The following MAP3K5 variants were observed in gnomAD, a reference collection of about 807,000 sequenced individuals.
MAP3K5 encodes ASK-1.
In MAP3K5, 56 loss-of-function variants were observed where a neutral mutation model predicts 158.7. The observed-to-expected ratio is 0.35, with a 90% CI of 0.28 to 0.44. MAP3K5 has a LOEUF of 0.44. Ranked by LOEUF, MAP3K5 falls within the 20% of genes least tolerant of loss-of-function variation. The pLI is 1.00. For synonymous variants in MAP3K5, 579 were observed against 601.7 expected, an observed-to-expected ratio of 0.96 and a Z score of 0.55; for missense variants, 1,294 against 1,674.8, an observed-to-expected ratio of 0.77 and a Z score of 3.97.
At chr6:136,562,038 A>G (rs1250993607) in intron 27 of MAP3K5, among the ~76,000 whole-genome samples, 5 of 152,210 alleles carry the variant, frequency 3.3e-5, no homozygotes, top group Admixed American at 6.5e-5. Context: ...TAAACAAATA[A>G]CTATGAATTC....
At chr6:136,665,051 C>T (rs1432960557) in intron 8 of MAP3K5, among the ~76,000 whole-genome samples, 2 of 152,216 alleles carry the variant, frequency 1.3e-5, no homozygotes, top group East Asian at 3.8e-4. Context: ...GGATGGATCA[C>T]TGACAGCTGG....
At chr6:136,734,486 T>C (rs1295884750) in intron 1 of MAP3K5, among the ~76,000 whole-genome samples, 2 of 151,400 alleles carry the variant, frequency 1.3e-5, no homozygotes, top group African/African-American at 4.9e-5. Flanking sequence ...AAAATTTCTG[T>C]ATCGCCACGG....
At chr6:136,657,208 C>A (rs552957191) in intron 9 of MAP3K5, among the ~76,000 whole-genome samples, 2 of 152,176 alleles carry the variant, frequency 1.3e-5, no homozygotes, top group South Asian at 2.1e-4. Context: ...TATACAAATA[C>A]CCTCAAACCT....
At chr6:136,755,209 A>G (rs1783421531) in intron 1 of MAP3K5, among the ~76,000 whole-genome samples, 1 of 151,876 alleles carries the variant, frequency 6.6e-6, no homozygotes, top group African/African-American at 2.4e-5. Context: ...TGCCCTGCTT[A>G]GCTGTGTTCC....
intron 1 of MAP3K5, among the ~76,000 whole-genome samples, chr6:136,769,175 A>T (rs1784077475): frequency 6.6e-6 from 1 of 152,238 alleles, no homozygotes. Flanking sequence ...CAGCCAGAAA[A>T]GTGAATGAAG....
chr6:136,650,277 T>G (rs1322019920), intron 11 of MAP3K5, among the ~76,000 whole-genome samples: 3 of 152,262 alleles, frequency 2.0e-5, no homozygotes, highest in Non-Finnish European at 4.4e-5. Flanking sequence ...ATAAATGAAC[T>G]ATTTTTCCAC....
chr6:136,787,951 A>T (rs544649946), intron 1 of MAP3K5, among the ~76,000 whole-genome samples: 3 of 152,230 alleles, frequency 2.0e-5, no homozygotes, highest in Non-Finnish European at 4.4e-5. Context: ...TGGTTTTTAC[A>T]TTTTAAAATG....
intron 7 of MAP3K5, among the ~76,000 whole-genome samples, chr6:136,689,074 A>T (rs1356681407): frequency 6.6e-6 from 1 of 152,094 alleles, no homozygotes; most frequent in South Asian, 2.1e-4. Flanking sequence ...CTGAGGCAGG[A>T]GGATCACTTG....
chr6:136,612,940 G>A (rs191557681), intron 17 of MAP3K5, among the ~76,000 whole-genome samples, 180 bp downstream of exon 17: 138 of 152,304 alleles, frequency 9.1e-4, no homozygotes, highest in African/African-American at 2.6e-3. Flanking sequence ...GAGCAGAAGC[G>A]TTAAGACATG....
intron 1 of MAP3K5, among the ~76,000 whole-genome samples, chr6:136,755,416 T>G (rs990358635): frequency 6.6e-6 from 1 of 152,178 alleles, no homozygotes; most frequent in Non-Finnish European, 1.5e-5. Context: ...ATTCAATAGC[T>G]GGAAAGCAGC....
At chr6:136,758,517 T>C (rs1783604785) in intron 1 of MAP3K5, among the ~76,000 whole-genome samples, 1 of 152,262 alleles carries the variant, frequency 6.6e-6, no homozygotes, top group South Asian at 2.1e-4. Flanking sequence ...CCATGGGCCT[T>C]GCCCACCCCC....
intron 12 of MAP3K5, among the ~76,000 whole-genome samples, chr6:136,641,016 T>C (rs1777905248): frequency 1.3e-5 from 2 of 152,210 alleles, no homozygotes; most frequent in Non-Finnish European, 2.9e-5. Context: ...AGAAAATTTA[T>C]TCATTGGAAA....
At chr6:136,682,906 T>C (rs1243459688) in intron 7 of MAP3K5, among the ~76,000 whole-genome samples, 1 of 152,114 alleles carries the variant, frequency 6.6e-6, no homozygotes, top group African/African-American at 2.4e-5. Flanking sequence ...TTTCCCTCAT[T>C]AGCTAAAATG....
chr6:136,736,257 G>A (rs1782456386), intron 1 of MAP3K5, among the ~76,000 whole-genome samples: 2 of 152,104 alleles, frequency 1.3e-5, no homozygotes, highest in Admixed American at 1.3e-4. Context: ...CTCACAGTCA[G>A]GATTCAACAT....
chr6:136,614,048 T>C, intron 16 of MAP3K5, 111 bp downstream of exon 16: 4 of 1,180,728 alleles, frequency 3.4e-6, no homozygotes, highest in Non-Finnish European at 4.7e-6. Context: ...TGTCCAATTT[T>C]TCTTTCAGTT....
intron 18 of MAP3K5, among the ~76,000 whole-genome samples, chr6:136,608,386 G>A (rs368789038): frequency 1.1e-4 from 17 of 152,178 alleles, no homozygotes; most frequent in Admixed American, 4.6e-4. Flanking sequence ...AGTGAAGCAG[G>A]AGCACAGTTG....
chr6:136,757,591 T>TA (rs1292655581), intron 1 of MAP3K5, among the ~76,000 whole-genome samples: 4 of 146,724 alleles, frequency 2.7e-5, no homozygotes, highest in Non-Finnish European at 4.5e-5. Context: ...TTTTTATTTT[T>TA]TTTTTTTTTT....
intron 7 of MAP3K5, among the ~76,000 whole-genome samples, chr6:136,675,966 G>T (rs982339201): frequency 6.6e-6 from 1 of 152,024 alleles, no homozygotes; most frequent in Non-Finnish European, 1.5e-5. Context: ...AAGGACATTT[G>T]GAACAACTTT....
rs1020233943 is a variant in MAP3K5 at position 136,697,276 on chromosome 6, G to A, written c.918C>T (p.Ile306=). 1.2e-5 allele frequency: 20 copies of A among 1,613,592 alleles called. No individual in the cohort carries two copies. The highest frequency in any genetic ancestry group is 1.1e-4 in the South Asian group (10 of 91,046). The change falls in exon 5 of 30, where the codon ATC becomes ATT. Residue 306 remains isoleucine, a synonymous_variant. Transcript: ENST00000359015. ...TGACAATATCTGCTGTCAAGACTTC[G>A]ATATTATCTACTCGCTGCCGAATTC... The part of the protein sequence containing the change: ...LARIRQRVDN[I]EVLTADIVIN...
Sources: gnomAD v4.1 joint callset for allele counts (sites outside exome capture counted in the v4.1 genomes callset) on GRCh38, gnomAD v4.1.1 for gene constraint, MANE v1.5 for transcripts, NCBI Gene and HGNC (gene_info 2026-07-23, HGNC 2026-07-21) for gene names.